NCAPG2: variants seen among roughly 807,000 people sequenced by gnomAD.
NCAPG2 encodes condensin-2 complex subunit G2.
A neutral mutation model predicts 141.1 loss-of-function variants in NCAPG2; 53 were observed. That is an observed-to-expected ratio of 0.38 (90% CI 0.30 to 0.47). The LOEUF is 0.47. Ranked by LOEUF, NCAPG2 falls within the 20% of genes least tolerant of loss-of-function variation. NCAPG2 has a pLI of 0.99. For missense variants in NCAPG2, 1,087 were observed against 1,389.0 expected, an observed-to-expected ratio of 0.78 and a Z score of 3.46; for synonymous variants, 499 against 490.7, an observed-to-expected ratio of 1.02 and a Z score of -0.22.
At chr7:158,695,240 C>T (rs1168785688) in intron 2 of NCAPG2, among the ~76,000 whole-genome samples, 1 of 152,152 alleles carries the variant, frequency 6.6e-6, no homozygotes, top group South Asian at 2.1e-4. Flanking sequence ...ATGACGCTTA[C>T]ATCAGGAAAT....
chr7:158,693,591 TCA>T, intron 2 of NCAPG2, 94 bp from the exon 3 acceptor site: 6 of 1,100,908 alleles, frequency 5.5e-6, no homozygotes, highest in East Asian at 2.6e-5. Flanking sequence ...AGTGTTAACT[TCA>T]TTACAAGTTC....
At chr7:158,648,856 C>T (rs1831257528) in intron 24 of NCAPG2, among the ~76,000 whole-genome samples, 1 of 152,224 alleles carries the variant, frequency 6.6e-6, no homozygotes, top group Non-Finnish European at 1.5e-5. Context: ...GGCAAATGGA[C>T]TACAACCACG....
chr7:158,678,109 TAAA>T (rs10549623), intron 11 of NCAPG2, among the ~76,000 whole-genome samples: 102 of 148,180 alleles, frequency 6.9e-4, no homozygotes, highest in Admixed American at 8.0e-4. Context: ...TTTTTTATTT[TAAA>T]AAAAAAAAAA....
rs1433930980 is a variant in NCAPG2, at chr7:158,659,331, A to C, written c.1990-923T>G. ...GTGACAAGAGCAAGACTCCATCTCA[A>C]AAAAAAAAAAAAAAAGAAGAAAAAA... On this transcript the variant is annotated intron_variant, in intron 16 of 27. Transcript: ENST00000356309. Among the ~76,000 whole-genome samples the C allele has an allele frequency of 4.2e-4, 61 of 144,614 alleles. 1 individual carries two copies. In the South Asian group the frequency reaches 4.3e-3, roughly 10 times the overall value. The allele number at this position is 144,614 out of a possible 152,430, so 94.9% of individuals were successfully genotyped here. A position where few individuals can be genotyped will look rare whatever the true frequency, so the allele number is the denominator to read the frequency against.
rs778009205 is a variant in NCAPG2, at chr7:158,650,913, G to A, written c.2994C>T (p.His998=). The change falls in exon 24 of 28, where the codon CAC becomes CAT. Residue 998 remains histidine (H), a synonymous_variant. Coordinates refer to ENST00000356309, the MANE Select transcript of NCAPG2 (RefSeq NM_017760.7). ...HEFITAVQSR[H]TDTPVHRGVL... ...CACCCCGGTGCACAGGGGTGTCTGT[G>A]TGCCGAGACTGAACAGCAGTAATGA... 1 of 1,613,802 alleles carries A rather than the reference G, an allele frequency of 6.2e-7. No individual in the cohort carries two copies. Among genetic ancestry groups the A allele is most frequent in the Non-Finnish European group, 8.5e-7 (1 of 1,179,864 alleles).
At chr7:158,659,450 C>CTGAG (rs1832305342) in intron 16 of NCAPG2, among the ~76,000 whole-genome samples, 1 of 130,030 alleles carries the variant, frequency 7.7e-6, no homozygotes, top group Admixed American at 7.4e-5. Flanking sequence ...GAGTTAAGCT[C>CTGAG]TCAGAGTCAG....
At chr7:158,676,454 C>T (rs533804851) in intron 11 of NCAPG2, among the ~76,000 whole-genome samples, 10 of 152,208 alleles carry the variant, frequency 6.6e-5, no homozygotes, top group South Asian at 2.1e-4. Flanking sequence ...TCAAACAAAA[C>T]GAGAAAATGA....
At chr7:158,667,332 A>ACCGACC (rs1833087586) in intron 13 of NCAPG2, 2 of 35,792 alleles carry the variant, frequency 5.6e-5, no homozygotes, top group Non-Finnish European at 6.4e-5. Context: ...TCCCTCCGCT[A>ACCGACC]CTGTGTCCCT....
intron 13 of NCAPG2, among the ~76,000 whole-genome samples, chr7:158,665,739 C>T (rs1328723916): frequency 2.6e-5 from 4 of 152,150 alleles, no homozygotes; most frequent in African/African-American, 9.7e-5. Flanking sequence ...ATCTCACCTC[C>T]CAACCCCATT....
chr7:158,679,581 A>G (rs1834316124), intron 11 of NCAPG2, among the ~76,000 whole-genome samples: 1 of 152,216 alleles, frequency 6.6e-6, no homozygotes, highest in Non-Finnish European at 1.5e-5. Flanking sequence ...CCAAAGCCAC[A>G]TACCTATTAA....
At position 158,687,419 on chromosome 7, in the gene NCAPG2, G is replaced by T. The variant is rs1213962473; in HGVS notation, c.696C>A (p.Leu232=). The part of the protein sequence containing the change: ...KEEGRRFLSC[L]FNWNINFIKM... The stretch of plus-strand genomic sequence containing the variant: ...TGATGAAGTTGATATTCCAGTTGAA[G>T]AGACAACTAAGAAATCTTCTTCCCT... The change falls in exon 7 of 28, where the codon CTC becomes CTA. Residue 232 remains leucine, a synonymous_variant. Coordinates refer to ENST00000356309, the MANE Select transcript of NCAPG2 (RefSeq NM_017760.7). 1.2e-6 allele frequency: 2 copies of T among 1,608,394 alleles called. No individual in the cohort carries two copies. Among genetic ancestry groups the T allele is most frequent in the Admixed American group, 3.4e-5 (2 of 59,182 alleles).
intron 6 of NCAPG2, among the ~76,000 whole-genome samples, chr7:158,688,109 T>C (rs1834885287): frequency 6.6e-6 from 1 of 151,954 alleles, no homozygotes; most frequent in African/African-American, 2.4e-5. Context: ...TGCACAGAAC[T>C]GGAATCCTAC....
chr7:158,674,844 C>CT (rs1833956610), intron 12 of NCAPG2, among the ~76,000 whole-genome samples: 1 of 152,232 alleles, frequency 6.6e-6, no homozygotes, highest in African/African-American at 2.4e-5. Context: ...AAGAAATTCT[C>CT]TGAATTGGCC....
intron 1 of NCAPG2, among the ~76,000 whole-genome samples, chr7:158,702,768 T>C (rs1186505042): frequency 6.6e-6 from 1 of 152,164 alleles, no homozygotes; most frequent in Non-Finnish European, 1.5e-5. Flanking sequence ...CATATAATAC[T>C]AGATTTTAAT....
chr7:158,698,230 TAAG>T (rs1455361879), intron 2 of NCAPG2, among the ~76,000 whole-genome samples: 1 of 152,228 alleles, frequency 6.6e-6, no homozygotes, highest in African/African-American at 2.4e-5. Context: ...TACAGTAAGC[TAAG>T]GTTAATTTAT....
At chr7:158,667,548 C>T (rs1239484249) in intron 13 of NCAPG2, among the ~76,000 whole-genome samples, 1 of 32,194 alleles carries the variant, frequency 3.1e-5, no homozygotes, top group Non-Finnish European at 5.6e-5. Flanking sequence ...GGCCCTCCAC[C>T]CGCTTACCCA....
intron 4 of NCAPG2, among the ~76,000 whole-genome samples, chr7:158,691,250 T>C (rs1205272316): frequency 6.6e-6 from 1 of 152,252 alleles, no homozygotes; most frequent in Non-Finnish European, 1.5e-5. Context: ...CTAATGCTCA[T>C]AATTATAATC....
At position 158,687,203 on chromosome 7, in the gene NCAPG2, G is replaced by A. The variant is rs137927593; in HGVS notation, c.767+145C>T. 31 of 478,694 alleles carry A rather than the reference G, an allele frequency of 6.5e-5. 1 individual carries two copies. Among genetic ancestry groups the A allele is most frequent in the African/African-American group, 5.4e-4 (27 of 49,920 alleles). 29.7% of individuals were successfully genotyped at this position (478,694 alleles called of 1,614,324 possible). Reference sequence around the variant, plus strand: ...GAATGATTTCCTATAAAAGGAAAAAGCTACCCAGTGATCCAATGGTACATA... The same window carrying A: ...GAATGATTTCCTATAAAAGGAAAAAACTACCCAGTGATCCAATGGTACATA... On this transcript the variant is annotated intron_variant, in intron 7 of 27. Coordinates refer to ENST00000356309, the MANE Select transcript of NCAPG2 (RefSeq NM_017760.7).
intron 17 of NCAPG2, among the ~76,000 whole-genome samples, chr7:158,657,697 T>G (rs956455298): frequency 6.6e-6 from 1 of 152,198 alleles, no homozygotes; most frequent in African/African-American, 2.4e-5. Flanking sequence ...AATGGCGGTT[T>G]TGTGGAATGG....
Sources: allele counts gnomAD v4.1 joint callset (sites outside exome capture counted in the v4.1 genomes callset), GRCh38; gene constraint gnomAD v4.1.1; transcripts MANE v1.5; gene names NCBI Gene and HGNC (gene_info 2026-07-23, HGNC 2026-07-21).